SEMA3E: variants seen among roughly 807,000 people sequenced by gnomAD.
The protein encoded by SEMA3E is semaphorin 3E, also known as semaphorin-3E.
Under a neutral mutation model 93.6 loss-of-function variants are expected in SEMA3E, and 49 were observed. The observed-to-expected ratio is 0.52, with a 90% CI of 0.42 to 0.66. The LOEUF (loss-of-function observed/expected upper bound fraction) is 0.66. Ranked by LOEUF, SEMA3E falls within the 30% of genes least tolerant of loss-of-function variation. SEMA3E has a pLI of 0.00. For synonymous variants in SEMA3E, 363 were observed against 330.7 expected (o/e 1.10, Z -1.06); for missense variants, 906 against 964.8 (o/e 0.94, Z 0.81).
At chr7:83,520,051 G>A (rs761833710) in intron 1 of SEMA3E, among the ~76,000 whole-genome samples, 7 of 152,054 alleles carry the variant, frequency 4.6e-5, no homozygotes, top group Non-Finnish European at 1.5e-5. Context: ...TAAGGCTTAC[G>A]ATAAAATCAT....
intron 1 of SEMA3E, among the ~76,000 whole-genome samples, chr7:83,615,932 A>G (rs1011364195): frequency 1.3e-4 from 20 of 152,048 alleles, no homozygotes; most frequent in Middle Eastern, 3.4e-3. Context: ...TTTTTTCATC[A>G]GGAGAGGTTT....
chr7:83,643,480 C>T (rs558170858), intron 1 of SEMA3E, among the ~76,000 whole-genome samples: 42 of 151,904 alleles, frequency 2.8e-4, no homozygotes, highest in Non-Finnish European at 5.0e-4. Context: ...CCTGAGCTTC[C>T]CTCACCCTAT....
chr7:83,610,487 G>T (rs1304290355), intron 1 of SEMA3E, among the ~76,000 whole-genome samples: 2 of 151,926 alleles, frequency 1.3e-5, no homozygotes, highest in African/African-American at 2.4e-5. Context: ...TTACAACTAT[G>T]AATGGTCTAC....
chr7:83,474,012 A>G (rs1037595555), intron 2 of SEMA3E, among the ~76,000 whole-genome samples: 1 of 150,904 alleles, frequency 6.6e-6, no homozygotes, highest in Non-Finnish European at 1.5e-5. Context: ...GAATTGCTTG[A>G]ACCTGGGAGA....
At chr7:83,475,878 A>G (rs1386231898) in intron 2 of SEMA3E, among the ~76,000 whole-genome samples, 2 of 152,202 alleles carry the variant, frequency 1.3e-5, no homozygotes, top group African/African-American at 4.8e-5. Flanking sequence ...AATAATGGCA[A>G]TTGCTGTAAG....
intron 1 of SEMA3E, among the ~76,000 whole-genome samples, chr7:83,551,070 G>A (rs1015843267): frequency 6.6e-6 from 1 of 152,056 alleles, no homozygotes; most frequent in Non-Finnish European, 1.5e-5. Context: ...TACTCACATT[G>A]TCTGTTGGTA....
At chr7:83,418,692 A>C (rs1296786860) in intron 4 of SEMA3E, among the ~76,000 whole-genome samples, 1 of 152,204 alleles carries the variant, frequency 6.6e-6, no homozygotes, top group African/African-American at 2.4e-5. Context: ...ACTCCTCTGA[A>C]AAAGTATGCA....
intron 1 of SEMA3E, among the ~76,000 whole-genome samples, chr7:83,636,229 A>T (rs1336496883): frequency 2.0e-5 from 3 of 152,108 alleles, no homozygotes; most frequent in African/African-American, 7.2e-5. Context: ...GCAGTCCTGG[A>T]TTTCTCTTCA....
Position 83,584,784 on chromosome 7 carries a change from T to C in SEMA3E, c.115+63644A>G, listed in dbSNP as rs543568861. Among the ~76,000 whole-genome samples, 4 of 152,304 alleles carry C rather than the reference T, an allele frequency of 2.6e-5. No homozygotes were observed. In the South Asian group the frequency reaches 8.3e-4, roughly 32 times the overall value. ...AGCCATTATTTAAATGAAGTTTAAA[T>C]ATTGACAGATAATTTGATGTTCTCA... On this transcript the variant is annotated intron_variant, in intron 1 of 16. Transcript: ENST00000643230.
intron 16 of SEMA3E, among the ~76,000 whole-genome samples, chr7:83,368,851 T>C (rs1794713741): frequency 6.6e-6 from 1 of 152,212 alleles, no homozygotes. Flanking sequence ...GCTGGACTAG[T>C]AAGTAAATGA....
In SEMA3E at chr7:83,385,386, T is replaced by C. The variant is rs762503685; in HGVS notation, c.1783A>G (p.Asn595Asp). Residue 595 changes from asparagine (N) to aspartate (D), a missense_variant, in exon 16 of 17, where the codon AAC becomes GAC. Coordinates refer to ENST00000643230, the MANE Select transcript of SEMA3E (RefSeq NM_012431.3). The part of the protein sequence containing the change: ...TEEHLAYGIE[N>D]NSTLLECTPR... ...GTACATTCCAGCAAAGTACTGTTGT[T>C]CTCTATGCCATAAGCCAGATGTTCT... 1 of 1,613,550 alleles carries C rather than the reference T, an allele frequency of 6.2e-7. No homozygotes were observed. Among genetic ancestry groups the C allele is most frequent in the Non-Finnish European group, 8.5e-7 (1 of 1,179,632 alleles).
intron 1 of SEMA3E, among the ~76,000 whole-genome samples, chr7:83,612,877 C>A (rs185350829): frequency 3.3e-5 from 5 of 152,054 alleles, no homozygotes; most frequent in Admixed American, 2.6e-4. Flanking sequence ...GAAAACTAAC[C>A]TGTATACCAT....
chr7:83,492,691 T>C (rs1358590145), intron 1 of SEMA3E, among the ~76,000 whole-genome samples: 2 of 151,386 alleles, frequency 1.3e-5, no homozygotes, highest in African/African-American at 4.8e-5. Context: ...TGAATCTTCA[T>C]TTTTAATGAT....
At position 83,565,517 on chromosome 7, in the gene SEMA3E, C is replaced by A. The variant is rs946911242; in HGVS notation, c.116-75243G>T. ...GCACATATATCCTGGAACTTAAAAA[C>A]CAGAACTTAAAAAGAAAATAAAAAG... On this transcript the variant is annotated intron_variant, in intron 1 of 16. Coordinates refer to ENST00000643230, the MANE Select transcript of SEMA3E (RefSeq NM_012431.3). 4.6e-5 allele frequency among the ~76,000 whole-genome samples: 7 copies of A among 152,032 alleles called. No homozygotes were observed. In the South Asian group the frequency reaches 1.5e-3, roughly 32 times the overall value.
intron 1 of SEMA3E, among the ~76,000 whole-genome samples, chr7:83,620,075 G>GA (rs1477983516): frequency 6.6e-6 from 1 of 152,018 alleles, no homozygotes; most frequent in East Asian, 1.9e-4. Flanking sequence ...AGTCCTGGGA[G>GA]AAAAGAGGGA....
rs1794639394 is a variant in SEMA3E, at chr7:83,364,636, G to A, written c.*2950C>T. 6.6e-6 allele frequency: 1 copy of A among 152,192 alleles called. No individual in the cohort carries two copies. The highest frequency in any genetic ancestry group is 1.5e-5 in the Non-Finnish European group (1 of 68,028). 9.4% of individuals were successfully genotyped at this position (152,192 alleles called of 1,614,324 possible). On this transcript the variant is annotated 3_prime_UTR_variant, in exon 17 of 17. Transcript: ENST00000643230. ...CTGGATCTCTTGCCCAATGGGTGACGTTGTGCTGAAGGAGGAGGTGAATGG... is the reference window on the plus strand; with the variant it reads ...CTGGATCTCTTGCCCAATGGGTGACATTGTGCTGAAGGAGGAGGTGAATGG...
chr7:83,633,631 A>G (rs1793827909), intron 1 of SEMA3E, among the ~76,000 whole-genome samples: 1 of 152,216 alleles, frequency 6.6e-6, no homozygotes, highest in East Asian at 1.9e-4. Context: ...GGACCCACCC[A>G]AAATTATTTA....
intron 1 of SEMA3E, among the ~76,000 whole-genome samples, chr7:83,574,788 A>C (rs1378234202): frequency 6.6e-6 from 1 of 152,132 alleles, no homozygotes; most frequent in Admixed American, 6.6e-5. Flanking sequence ...GCCAACAGCT[A>C]GACACATATG....
chr7:83,466,576 A>G lies in SEMA3E; in HGVS notation c.362T>C (p.Val121Ala). The G allele has an allele frequency of 6.2e-7, 1 of 1,613,768 alleles. No individual in the cohort carries two copies. The highest frequency in any genetic ancestry group is 8.5e-7 in the Non-Finnish European group (1 of 1,179,994). Residue 121 changes from valine to alanine, a missense_variant, in exon 4 of 17, where the codon GTT becomes GCT. By Grantham distance (64) the Val-to-Ala change is moderately conservative (BLOSUM62 0). Coordinates refer to ENST00000643230, the MANE Select transcript of SEMA3E (RefSeq NM_012431.3). ...GTGTGTCCTGTTATAGTGATGCAAA[A>G]CCCGAACATAATTTGCACATTCACC... ...DAGECANYVR[V>A]LHHYNRTHLL... is the part of the protein sequence containing the mutation.
Sources: gnomAD v4.1 joint callset for allele counts (sites outside exome capture counted in the v4.1 genomes callset) on GRCh38, gnomAD v4.1.1 for gene constraint, MANE v1.5 for transcripts, NCBI Gene and HGNC (gene_info 2026-07-23, HGNC 2026-07-21) for gene names.